Variants in USP36 observed in about 807,000 individuals in gnomAD.
The protein encoded by USP36 is ubiquitin specific peptidase 36.
Under a neutral mutation model 111.5 loss-of-function variants are expected in USP36, and 59 were observed. That is an observed-to-expected ratio of 0.53 (90% CI 0.43 to 0.66). The LOEUF is 0.66. Among genes scored for constraint, USP36 ranks in the 30% least tolerant of loss-of-function variants. USP36 has a pLI of 0.00. For synonymous variants in USP36, 628 were observed against 581.0 expected (o/e 1.08, Z -1.16); for missense variants, 1,488 against 1,468.0 (o/e 1.01, Z -0.22).
rs368958421 is a variant in USP36 at position 78,807,116 on chromosome 17, G to A, written c.1928C>T (p.Thr643Met). The change falls in exon 14 of 21, where the codon ACG becomes ATG. Residue 643 changes from threonine to methionine, a missense_variant. Around this residue, in one of 3 missense-constraint regions of USP36, gnomAD observed 1,073 missense variants for 994.1 expected, o/e 1.08. Coordinates refer to ENST00000449938, the MANE Select transcript of USP36 (RefSeq NM_001385174.1). ...GAAHLCDSQETNCSTAGHSKT... is the reference protein window; with the variant it reads ...GAAHLCDSQEMNCSTAGHSKT... The stretch of plus-strand genomic sequence containing the variant: ...GGAGTGGCCAGCGGTGGAACAGTTC[G>A]TTTCCTGAGAATCGCAGAGATGGGC... 48 of 1,614,086 alleles carry A rather than the reference G, an allele frequency of 3.0e-5. No individual in the cohort carries two copies. Among genetic ancestry groups the A allele is most frequent in the South Asian group, 1.1e-4 (10 of 91,086 alleles).
intron 4 of USP36, among the ~76,000 whole-genome samples, chr17:78,834,497 C>T (rs1310939036): frequency 6.6e-6 from 1 of 151,986 alleles, no homozygotes; most frequent in Non-Finnish European, 1.5e-5. Context: ...GGCTGGAGTG[C>T]AGCGGCATGA....
intron 6 of USP36, chr17:78,823,074 C>CACACCT (rs1039663676): frequency 1.3e-4 from 52 of 399,062 alleles, no homozygotes; most frequent in African/African-American, 1.0e-3. Context: ...ACAGAACATG[C>CACACCT]ACACCTCAGT....
intron 8 of USP36, among the ~76,000 whole-genome samples, chr17:78,820,753 A>G (rs1391756174): frequency 6.6e-6 from 1 of 152,218 alleles, no homozygotes; most frequent in Admixed American, 6.5e-5. Context: ...GTTCCTGTTC[A>G]TGCTTCAGGA....
At chr17:78,802,727 A>G (rs1470648479) in intron 16 of USP36, among the ~76,000 whole-genome samples, 192 bp from the exon 17 acceptor site, 1 of 152,140 alleles carries the variant, frequency 6.6e-6, no homozygotes, top group African/African-American at 2.4e-5. Flanking sequence ...CAGTAGAGGG[A>G]AAACCAGTCG....
At chr17:78,812,300 C>G (rs932324250) in intron 13 of USP36, among the ~76,000 whole-genome samples, 1 of 152,186 alleles carries the variant, frequency 6.6e-6, no homozygotes, top group Non-Finnish European at 1.5e-5. Flanking sequence ...ATGAGTAGAA[C>G]AGATCTGTGA....
intron 17 of USP36, among the ~76,000 whole-genome samples, chr17:78,800,110 G>A (rs2093703400): frequency 6.7e-6 from 1 of 149,324 alleles, no homozygotes; most frequent in South Asian, 2.1e-4. Flanking sequence ...AAGAAAACAT[G>A]GAAAATAACA....
upstream of USP36, chr17:78,841,287 G>A (rs2069266785): frequency 6.6e-6 from 1 of 152,268 alleles, no homozygotes; most frequent in South Asian, 2.1e-4. Flanking sequence ...GGTGGCTGTG[G>A]AGAAGCGGAG....
At chr17:78,804,071 T>A in intron 15 of USP36, 93 bp from the exon 16 acceptor site, 1 of 940,764 alleles carries the variant, frequency 1.1e-6, no homozygotes, top group Non-Finnish European at 1.6e-6. Context: ...CCCTTTCACC[T>A]AAAAATCTGA....
intron 13 of USP36, 94 bp from the exon 14 acceptor site, chr17:78,807,730 C>T (rs1034189742): frequency 3.9e-6 from 5 of 1,267,286 alleles, no homozygotes; most frequent in South Asian, 1.6e-5. Context: ...TAGTAGCAGG[C>T]ATGGCCTCTG....
In USP36 at chr17:78,816,016, T is replaced by C. The variant is rs903149793; in HGVS notation, c.1024-1464A>G. On this transcript the variant is annotated intron_variant, in intron 10 of 20. Coordinates refer to ENST00000449938, the MANE Select transcript of USP36 (RefSeq NM_001385174.1). The stretch of plus-strand genomic sequence containing the variant: ...ACATATATACATACATGCACACACA[T>C]ATATTCTTAGCAGTAATAGTGCCTG... 3.9e-5 allele frequency among the ~76,000 whole-genome samples: 6 copies of C among 152,052 alleles called. No individual in the cohort carries two copies. In the South Asian group the frequency reaches 1.0e-3, roughly 26 times the overall value.
intron 6 of USP36, chr17:78,826,585 T>C (rs1490135521): frequency 6.4e-6 from 1 of 155,602 alleles, no homozygotes; most frequent in East Asian, 1.9e-4. Context: ...CTAAACTATT[T>C]AAAGTATTTC....
intron 13 of USP36, among the ~76,000 whole-genome samples, chr17:78,810,939 C>T (rs930827381): frequency 3.9e-5 from 6 of 151,958 alleles, no homozygotes; most frequent in African/African-American, 1.5e-4. Context: ...CATGGTGAAA[C>T]CCCATCTCTA....
intron 15 of USP36, among the ~76,000 whole-genome samples, chr17:78,805,239 G>A (rs1017760413): frequency 6.6e-6 from 1 of 152,192 alleles, no homozygotes; most frequent in African/African-American, 2.4e-5. Context: ...GCTGCACGAT[G>A]TTTGATTACT....
chr17:78,841,343 G>A (rs1330211748), upstream of USP36: 1 of 152,338 alleles, frequency 6.6e-6, no homozygotes, highest in Non-Finnish European at 1.5e-5. Flanking sequence ...GGCCATCCGT[G>A]ACTCCCACAC....
At chr17:78,821,408 ATATATATATATATTTTTTTTTTT>A (rs1200979803) in intron 7 of USP36, 1 of 60,280 alleles carries the variant, frequency 1.7e-5, no homozygotes, top group Non-Finnish European at 2.9e-5. Context: ...ATATATATAT[ATATATATATATATTTTTTTTTTT>A]TTTTTTTTTT....
chr17:78,836,057 C>T, intron 3 of USP36, 54 bp downstream of exon 3: 1 of 1,591,084 alleles, frequency 6.3e-7, no homozygotes, highest in Non-Finnish European at 8.6e-7. Context: ...TAAGTCCATC[C>T]ACTTCGTCAC....
chr17:78,813,358 G>C (rs1372430739), intron 12 of USP36, among the ~76,000 whole-genome samples: 1 of 152,144 alleles, frequency 6.6e-6, no homozygotes, highest in African/African-American at 2.4e-5. Context: ...CCAGGTCAGT[G>C]ACAGCCAGCT....
chr17:78,807,793 G>A (rs2093948564), intron 13 of USP36, among the ~76,000 whole-genome samples, 157 bp from the exon 14 acceptor site: 1 of 152,164 alleles, frequency 6.6e-6, no homozygotes, highest in Non-Finnish European at 1.5e-5. Flanking sequence ...AAGACACTGT[G>A]GCTTCTCTGA....
At position 78,821,035 on chromosome 17, in the gene USP36, A is replaced by G; in HGVS notation, c.784T>C (p.Ser262Pro). Residue 262 changes from serine (S) to proline (P), a missense_variant, in exon 8 of 21, where the codon TCG (serine) becomes CCG (proline). Physicochemically the swap from Ser to Pro is moderately conservative, Grantham distance 74. Transcript: ENST00000449938. Reference protein sequence around the residue: ...RVKCSVCKSVSDTYDPYLDVA... With the variant: ...RVKCSVCKSVPDTYDPYLDVA... The stretch of plus-strand genomic sequence containing the variant: ...TCCAAGTAGGGGTCGTAGGTGTCCG[A>G]GACGCTCTTGCACACGGAGCACTTC... The G allele has an allele frequency of 6.2e-7, 1 of 1,607,228 alleles. No homozygotes were observed. Among genetic ancestry groups the G allele is most frequent in the Non-Finnish European group, 8.5e-7 (1 of 1,176,776 alleles).
Sources: gnomAD v4.1 joint callset for allele counts (sites outside exome capture counted in the v4.1 genomes callset) on GRCh38, gnomAD v4.1.1 for gene constraint, gnomAD v4.1.1 regional missense constraint, MANE v1.5 for transcripts, NCBI Gene and HGNC (gene_info 2026-07-23, HGNC 2026-07-21) for gene names.